The following SYT16 variants were observed in gnomAD, a reference collection of about 807,000 sequenced individuals.
The protein encoded by SYT16 is synaptotagmin 16, also known as synaptotagmin-16.
Under a neutral mutation model 61.4 loss-of-function variants are expected in SYT16, and 42 were observed. The ratio of observed to expected loss-of-function variants is 0.68; its 90% CI spans 0.53 to 0.89. SYT16 has a LOEUF of 0.89. SYT16 is among the 40% of genes least tolerant of loss of function. The probability of loss-of-function intolerance (pLI) is 0.00; values close to 1 mark genes in which losing one functional copy is unlikely to be tolerated. For synonymous variants in SYT16, 314 were observed against 302.3 expected, an observed-to-expected ratio of 1.04 and a Z score of -0.40; for missense variants, 804 against 807.3, an observed-to-expected ratio of 1.00 and a Z score of 0.05.
rs185650905 is a variant in SYT16 at position 61,984,333 on chromosome 14, A to G, written c.-144-11543A>G. The stretch of plus-strand genomic sequence containing the variant: ...AATAACATTTTAGGGCAAGAATTCC[A>G]TTTAGAATTTCTCCAAAGAAGCTGA... On this transcript the variant is annotated intron_variant, in intron 2 of 7. Coordinates refer to ENST00000683842, the MANE Select transcript of SYT16 (RefSeq NM_001367656.1). Among the ~76,000 whole-genome samples, 15 of 152,276 alleles carry G rather than the reference A, an allele frequency of 9.9e-5. No individual in the cohort carries two copies. The East Asian group carries it at 2.5e-3, about 25-fold the overall frequency.
At chr14:61,830,158 C>T (rs1363367183) in intron 1 of SYT16, among the ~76,000 whole-genome samples, 1 of 152,172 alleles carries the variant, frequency 6.6e-6, no homozygotes, top group East Asian at 1.9e-4. Flanking sequence ...TTTCTTGGAG[C>T]ATTTTTATGA....
intron 1 of SYT16, among the ~76,000 whole-genome samples, chr14:61,950,985 T>C (rs2050648803): frequency 6.6e-6 from 1 of 152,224 alleles, no homozygotes; most frequent in South Asian, 2.1e-4. Flanking sequence ...CCGATTTTAT[T>C]TGAATATATG....
chr14:61,822,833 G>C (rs1335951075), intron 1 of SYT16, among the ~76,000 whole-genome samples: 4 of 152,154 alleles, frequency 2.6e-5, no homozygotes, highest in Non-Finnish European at 4.4e-5. Context: ...GGTTGAAAGT[G>C]GGTAAAGGGC....
intron 1 of SYT16, among the ~76,000 whole-genome samples, chr14:61,820,810 A>C (rs1403223079): frequency 6.6e-6 from 1 of 152,084 alleles, no homozygotes; most frequent in African/African-American, 2.4e-5. Flanking sequence ...AGCCTGAAAA[A>C]TTTCTGGCTG....
In SYT16 at chr14:61,857,412, GT is replaced by G. The variant is rs1200649807; in HGVS notation, c.-325+44603del. Among the ~76,000 whole-genome samples, 9 of 152,210 alleles carry G rather than the reference GT, an allele frequency of 5.9e-5. No individual in the cohort carries two copies. The South Asian group carries it at 8.3e-4, about 14-fold the overall frequency. On this transcript the variant is annotated intron_variant, in intron 1 of 7. Transcript: ENST00000683842. The stretch of plus-strand genomic sequence containing the variant: ...ACTGCAGCTATGACTGAAATTAGAG[GT>G]GGGCCCAGGGAACATGACATGTACC...
chr14:61,991,869 G>A (rs963573293), intron 2 of SYT16, among the ~76,000 whole-genome samples: 2 of 152,190 alleles, frequency 1.3e-5, no homozygotes, highest in South Asian at 2.1e-4. Flanking sequence ...CATCTAGTGC[G>A]TTAATGCCAC....
intron 3 of SYT16, among the ~76,000 whole-genome samples, chr14:62,048,873 G>T (rs534697605): frequency 2.0e-5 from 3 of 152,284 alleles, no homozygotes; most frequent in Admixed American, 1.3e-4. Flanking sequence ...CTTTACATTT[G>T]CTGAGGAGTA....
chr14:61,996,443 G>A lies in SYT16; in HGVS notation c.424G>A (p.Glu142Lys). ...KLPHVLSSIA[E>K]EEHHLEKQRS... ...ACCACATGTGCTTTCTTCTATTGCG[G>A]AGGAAGAGCATCACCTTGAAAAGCA... Residue 142 changes from glutamate to lysine, a missense_variant, in exon 3 of 8, where the codon GAG becomes AAG. By Grantham distance (56) the Glu-to-Lys change is moderately conservative. Coordinates refer to ENST00000683842, the MANE Select transcript of SYT16 (RefSeq NM_001367656.1). The A allele has an allele frequency of 6.2e-7, 1 of 1,613,438 alleles. No homozygotes were observed. The highest frequency in any genetic ancestry group is 8.5e-7 in the Non-Finnish European group (1 of 1,179,544).
At chr14:61,822,164 G>A (rs1035062045) in intron 1 of SYT16, among the ~76,000 whole-genome samples, 1 of 152,200 alleles carries the variant, frequency 6.6e-6, no homozygotes, top group African/African-American at 2.4e-5. Flanking sequence ...CCAGTCTGAG[G>A]TCAAAAGACT....
At chr14:61,891,242 GCACACACACACACACA>G (rs34375502) in intron 1 of SYT16, among the ~76,000 whole-genome samples, 1 of 147,802 alleles carries the variant, frequency 6.8e-6, no homozygotes, top group Non-Finnish European at 1.5e-5. Flanking sequence ...ACACACACGC[GCACACACACACACACA>G]CACACACACA....
chr14:62,067,696 G>A (rs1450633053), intron 3 of SYT16, among the ~76,000 whole-genome samples: 2 of 152,150 alleles, frequency 1.3e-5, no homozygotes, highest in Non-Finnish European at 2.9e-5. Flanking sequence ...ACAGTATAGA[G>A]GTTCCTAAAT....
intron 1 of SYT16, among the ~76,000 whole-genome samples, chr14:61,881,575 G>T (rs1440923808): frequency 6.6e-6 from 1 of 152,066 alleles, no homozygotes; most frequent in African/African-American, 2.4e-5. Context: ...TTTGCATTTG[G>T]GTGACTAGTT....
rs2052768095 is a variant in SYT16, at chr14:61,996,330, A to T, written c.311A>T (p.Asn104Ile). Residue 104 changes from asparagine to isoleucine, a missense_variant, in exon 3 of 8, where the codon AAT becomes ATT. Coordinates refer to ENST00000683842, the MANE Select transcript of SYT16 (RefSeq NM_001367656.1). ...AGTGATTTGCAGGACTCTGCCCAAA[A>T]TTCAAGCCCAAGCCTTAGCCAACAT... ...CNSDLQDSAQ[N>I]SSPSLSQHAK... 1 of 1,613,328 alleles carries T rather than the reference A, an allele frequency of 6.2e-7. No individual in the cohort carries two copies. The highest frequency in any genetic ancestry group is 8.5e-7 in the Non-Finnish European group (1 of 1,179,544).
chr14:61,934,208 A>G (rs951283457), intron 1 of SYT16, among the ~76,000 whole-genome samples: 13 of 152,274 alleles, frequency 8.5e-5, no homozygotes, highest in Admixed American at 4.6e-4. Context: ...ATTTGATTCA[A>G]CCTTTCTTTC....
At chr14:62,076,531 G>A (rs1337172315) in intron 5 of SYT16, among the ~76,000 whole-genome samples, 1 of 152,048 alleles carries the variant, frequency 6.6e-6, no homozygotes, top group Non-Finnish European at 1.5e-5. Context: ...CTAAGGAGGG[G>A]TATGCATACA....
chr14:61,861,607 G>A (rs1056881769), intron 1 of SYT16, among the ~76,000 whole-genome samples: 8 of 152,270 alleles, frequency 5.3e-5, no homozygotes, highest in Middle Eastern at 3.4e-3. Context: ...GTTTTGGCAT[G>A]TTGCCCAGGC....
At chr14:61,827,070 G>C (rs1335521606) in intron 1 of SYT16, among the ~76,000 whole-genome samples, 1 of 150,138 alleles carries the variant, frequency 6.7e-6, no homozygotes, top group Non-Finnish European at 1.5e-5. Context: ...AGTTGTATTC[G>C]GAGGTAGTGG....
intron 7 of SYT16, among the ~76,000 whole-genome samples, chr14:62,098,153 T>C (rs1215733504): frequency 2.0e-5 from 3 of 152,254 alleles, no homozygotes; most frequent in Admixed American, 2.0e-4. Context: ...ATTTGTTTCC[T>C]ATCTTACAAT....
intron 1 of SYT16, among the ~76,000 whole-genome samples, chr14:61,927,688 T>C (rs2049591354): frequency 6.6e-6 from 1 of 152,208 alleles, no homozygotes; most frequent in African/African-American, 2.4e-5. Flanking sequence ...TTAGCAAACA[T>C]TCCTTTGGTG....
Sources: allele counts gnomAD v4.1 joint callset (sites outside exome capture counted in the v4.1 genomes callset), GRCh38; gene constraint gnomAD v4.1.1; transcripts MANE v1.5; gene names NCBI Gene and HGNC (gene_info 2026-07-23, HGNC 2026-07-21).